The following UTP20 variants were observed in gnomAD, a reference collection of about 807,000 sequenced individuals.
UTP20 encodes UTP20 small subunit processome component.
In UTP20, 164 loss-of-function variants were observed where a neutral mutation model predicts 329.5. That is an observed-to-expected ratio of 0.50 (90% CI 0.44 to 0.57). The LOEUF (loss-of-function observed/expected upper bound fraction) is 0.57. Ranked by LOEUF, UTP20 falls within the 20% of genes least tolerant of loss-of-function variation. The pLI, the probability that UTP20 is intolerant of heterozygous loss-of-function variation, is 0.00. For missense variants in UTP20, 3,055 were observed against 3,284.2 expected (o/e 0.93, Z 1.71); for synonymous variants, 1,151 against 1,159.3 (o/e 0.99, Z 0.14).
chr12:101,327,111 T>A lies in UTP20; in HGVS notation c.3072T>A (p.Thr1024=). ...TGTATGGGCGAATGAAGAATAAGAC[T>A]GGGAGTAAAACTCAGGGGAAATCTG... ...RILYGRMKNK[T]GSKTQGKSAS... is the part of the protein sequence containing the mutation. Residue 1024 remains threonine (T), a synonymous_variant, in exon 26 of 62, where the codon ACT becomes ACA. Coordinates refer to ENST00000261637, the MANE Select transcript of UTP20 (RefSeq NM_014503.3). 6.2e-7 allele frequency: 1 copy of A among 1,610,414 alleles called. No individual in the cohort carries two copies. Among genetic ancestry groups the A allele is most frequent in the Non-Finnish European group, 8.5e-7 (1 of 1,176,938 alleles).
chr12:101,362,178 C>A, intron 44 of UTP20, 118 bp downstream of exon 44: 1 of 689,904 alleles, frequency 1.4e-6, no homozygotes, highest in Admixed American at 2.6e-5. Flanking sequence ...TGTAACACCT[C>A]ATCTTTTAGA....
chr12:101,300,175 CT>C (rs1391086906), intron 14 of UTP20, 114 bp downstream of exon 14: 10 of 1,031,870 alleles, frequency 9.7e-6, no homozygotes, highest in African/African-American at 1.6e-5. Flanking sequence ...GCATAACCCC[CT>C]GGATGATAAA....
In UTP20 at chr12:101,351,970, A is replaced by T. The variant is rs534880386; in HGVS notation, c.4885-85A>T. 6.7e-6 allele frequency: 10 copies of T among 1,498,706 alleles called. No individual in the cohort carries two copies. In the African/African-American group the frequency reaches 1.4e-4, roughly 21 times the overall value. 92.8% of individuals were successfully genotyped at this position (1,498,706 alleles called of 1,614,324 possible). Reference sequence around the variant, plus strand: ...TCTCTTCTGTAATTACTGAGAACTTACTAACTTTTTCAATATACTGAGTTA... The same window carrying T: ...TCTCTTCTGTAATTACTGAGAACTTTCTAACTTTTTCAATATACTGAGTTA... On this transcript the variant is annotated intron_variant, in intron 38 of 61. Coordinates refer to ENST00000261637, the MANE Select transcript of UTP20 (RefSeq NM_014503.3).
intron 47 of UTP20, among the ~76,000 whole-genome samples, chr12:101,367,551 C>T (rs753969999): frequency 1.1e-4 from 17 of 152,088 alleles, no homozygotes; most frequent in Admixed American, 2.6e-4. Context: ...TAGCTAAGAT[C>T]CATCAAGACA....
At chr12:101,317,419 C>A in intron 21 of UTP20, 59 bp from the exon 22 acceptor site, 1 of 1,560,690 alleles carries the variant, frequency 6.4e-7, no homozygotes, top group Non-Finnish European at 8.7e-7. Flanking sequence ...ACAGAATCAG[C>A]ACCTTTCAGA....
At chr12:101,339,014 T>A in intron 31 of UTP20, 57 bp downstream of exon 31, 2 of 1,510,800 alleles carry the variant, frequency 1.3e-6, no homozygotes, top group African/African-American at 2.8e-5. Context: ...TTTAACTTTT[T>A]AAAAAATTAT....
Position 101,284,040 on chromosome 12 carries a change from TTC to T in UTP20, c.127-1524_127-1523del, listed in dbSNP as rs202232556. Among the ~76,000 whole-genome samples, 11 of 118,752 alleles carry T rather than the reference TTC, an allele frequency of 9.3e-5. No individual in the cohort carries two copies. In the East Asian group the frequency reaches 1.9e-3, roughly 21 times the overall value. 77.9% of individuals were successfully genotyped at this position (118,752 alleles called of 152,430 possible). On this transcript the variant is annotated intron_variant, in intron 2 of 61. Coordinates refer to ENST00000261637, the MANE Select transcript of UTP20 (RefSeq NM_014503.3). ...GTTTGCATGTGTGCTTATGTGTTTA[TTC>T]TCTCTTTTTTCTCTCTCTCTATAAA...
intron 38 of UTP20, among the ~76,000 whole-genome samples, chr12:101,347,629 C>T (rs1317290495): frequency 6.6e-6 from 1 of 152,116 alleles, no homozygotes; most frequent in African/African-American, 2.4e-5. Flanking sequence ...ATTACATGGC[C>T]TTATACAATA....
chr12:101,289,609 A>T (rs1444938886), intron 6 of UTP20, among the ~76,000 whole-genome samples: 1 of 152,098 alleles, frequency 6.6e-6, no homozygotes, highest in East Asian at 1.9e-4. Context: ...ATTGTTATTT[A>T]GGTTTGTGAT....
intron 10 of UTP20, 122 bp downstream of exon 10, chr12:101,292,226 T>A: frequency 8.7e-7 from 1 of 1,146,446 alleles, no homozygotes; most frequent in South Asian, 1.8e-5. Context: ...ATAATCTTGT[T>A]AAGGAAATGG....
intron 56 of UTP20, among the ~76,000 whole-genome samples, chr12:101,378,173 T>G (rs773091499): frequency 6.6e-6 from 1 of 152,230 alleles, no homozygotes; most frequent in South Asian, 2.1e-4. Flanking sequence ...CTGCCTGTTA[T>G]AGCTTAGCAT....
rs199761274 is a variant in UTP20, at chr12:101,308,424, A to AAATAATAAT, written c.2154+100_2154+108dup. 5.8e-5 allele frequency: 38 copies of AAATAATAAT among 659,512 alleles called. No individual in the cohort carries two copies. In the African/African-American group the frequency reaches 6.7e-4, roughly 12 times the overall value. 40.9% of individuals were successfully genotyped at this position (659,512 alleles called of 1,614,324 possible). On this transcript the variant is annotated intron_variant, in intron 18 of 61. Coordinates refer to ENST00000261637, the MANE Select transcript of UTP20 (RefSeq NM_014503.3). ...GGGGAAGCACATCAAGTAGTCACCA[A>AAATAATAAT]AATAATAATAATAATAATAATAATA...
In UTP20 at chr12:101,346,091, G is replaced by A. The variant is rs139746286; in HGVS notation, c.4747-360G>A. Among the ~76,000 whole-genome samples, 1,348 of 151,034 alleles carry A rather than the reference G, an allele frequency of 8.9e-3. 27 individuals carry two copies. The highest frequency in any genetic ancestry group is 0.031 in the African/African-American group (1,294 of 41,092). On this transcript the variant is annotated intron_variant, in intron 37 of 61. Coordinates refer to ENST00000261637, the MANE Select transcript of UTP20 (RefSeq NM_014503.3). ...TTTGAGATGGAGTTTCGCTCTTGTTGCCCAGGCTGGAGTGCAATGGCGCAA... is the reference window on the plus strand; with the variant it reads ...TTTGAGATGGAGTTTCGCTCTTGTTACCCAGGCTGGAGTGCAATGGCGCAA...
chr12:101,329,257 A>G lies in UTP20; in HGVS notation c.3225A>G (p.Ala1075=), dbSNP rs377447604. 6.2e-7 allele frequency: 1 copy of G among 1,614,192 alleles called. No individual in the cohort carries two copies. Among genetic ancestry groups the G allele is most frequent in the Non-Finnish European group, 8.5e-7 (1 of 1,180,036 alleles). The change falls in exon 27 of 62, where the codon GCA becomes GCG. Residue 1075 remains alanine, a synonymous_variant. Transcript: ENST00000261637. ...RHFKNGECHS[A]VIQAVEDLDL... ...TTTCACTAGGAGAGTGCCATTCTGC[A>G]GTCATTCAAGCAGTAGAAGACTTGG...
chr12:101,312,584 G>A (rs955465808), intron 21 of UTP20, among the ~76,000 whole-genome samples: 4 of 152,182 alleles, frequency 2.6e-5, no homozygotes, highest in African/African-American at 9.7e-5. Context: ...CTGGGCACAG[G>A]CATGCGCCAT....
intron 37 of UTP20, 46 bp from the exon 38 acceptor site, chr12:101,346,405 A>T: frequency 6.5e-7 from 1 of 1,542,488 alleles, no homozygotes; most frequent in Non-Finnish European, 8.7e-7. Flanking sequence ...AGCTGGTTGT[A>T]GGTGAGATTA....
chr12:101,317,550 G>A lies in UTP20; in HGVS notation c.2625G>A (p.Val875=). 6.2e-7 allele frequency: 1 copy of A among 1,614,200 alleles called. No individual in the cohort carries two copies. The highest frequency in any genetic ancestry group is 2.2e-5 in the East Asian group (1 of 44,888). The change falls in exon 22 of 62, where the codon GTG becomes GTA. Residue 875 remains valine, a synonymous_variant. Transcript: ENST00000261637. ...TACGGAGAAAAGGCAAAGGGATGGT[G>A]GCAGAGGAAATCGAAGAGGAACCTG... is the stretch of plus-strand genomic sequence containing the variant. ...QDLRRKGKGM[V]AEEIEEEPAA...
At position 101,375,655 on chromosome 12, in the gene UTP20, A is replaced by G; in HGVS notation, c.7295A>G (p.Asp2432Gly). 1 of 1,612,076 alleles carries G rather than the reference A, an allele frequency of 6.2e-7. No homozygotes were observed. The highest frequency in any genetic ancestry group is 8.5e-7 in the Non-Finnish European group (1 of 1,179,480). Residue 2432 changes from aspartate to glycine, a missense_variant, in exon 56 of 62, where the codon GAT (aspartate) becomes GGT (glycine). By Grantham distance (94) the Asp-to-Gly change is moderately conservative (BLOSUM62 -1). Coordinates refer to ENST00000261637, the MANE Select transcript of UTP20 (RefSeq NM_014503.3). ...GAAGAAACTGAAGAAAAAGCTGCAG[A>G]TCGCCTTCTGTTTAGTTTTCTTACA... ...IMEETEEKAA[D>G]RLLFSFLTLI...
chr12:101,366,555 CAG>C lies in UTP20; in HGVS notation c.6126-1_6126del. 6.2e-7 allele frequency: 1 copy of C among 1,609,358 alleles called. No individual in the cohort carries two copies. Among genetic ancestry groups the C allele is most frequent in the Non-Finnish European group, 8.5e-7 (1 of 1,178,176 alleles). On this transcript the variant is annotated splice_acceptor_variant, in intron 46 of 61. Coordinates refer to ENST00000261637, the MANE Select transcript of UTP20 (RefSeq NM_014503.3). LOFTEE classifies it high-confidence loss of function. ...CCCTCTTCTCATGCCACGTGATTGA[CAG>C]AAATCCAGTAGCCCCAGCACCAGAT...
Sources: allele counts gnomAD v4.1 joint callset (sites outside exome capture counted in the v4.1 genomes callset), GRCh38; gene constraint gnomAD v4.1.1; transcripts MANE v1.5; gene names NCBI Gene and HGNC (gene_info 2026-07-23, HGNC 2026-07-21).